Variants in LPCAT2 observed in about 807,000 individuals in gnomAD.
The protein encoded by LPCAT2 is 1-AGP acyltransferase 11.
A neutral mutation model predicts 64.7 loss-of-function variants in LPCAT2; 58 were observed. The observed-to-expected ratio is 0.90, with a 90% CI of 0.73 to 1.12. LPCAT2 has a LOEUF of 1.12. Among genes scored for constraint, LPCAT2 ranks in the 50% most tolerant of loss-of-function variants. LPCAT2 has a pLI of 0.00. For synonymous variants in LPCAT2, 252 were observed against 245.3 expected, an observed-to-expected ratio of 1.03 and a Z score of -0.26; for missense variants, 579 against 669.8, an observed-to-expected ratio of 0.86 and a Z score of 1.50.
intron 11 of LPCAT2, among the ~76,000 whole-genome samples, chr16:55,571,044 C>G: frequency 6.6e-6 from 1 of 152,100 alleles, no homozygotes; most frequent in Non-Finnish European, 1.5e-5. Flanking sequence ...TGATATATTT[C>G]AGTTATAACA....
At chr16:55,561,178 T>TA (rs1266077363) in intron 11 of LPCAT2, among the ~76,000 whole-genome samples, 1 of 152,040 alleles carries the variant, frequency 6.6e-6, no homozygotes, top group Non-Finnish European at 1.5e-5. Flanking sequence ...TTGTATTCTT[T>TA]TATGTGGATA....
intron 11 of LPCAT2, among the ~76,000 whole-genome samples, chr16:55,553,407 A>G (rs1963540437): frequency 6.6e-6 from 1 of 152,228 alleles, no homozygotes; most frequent in Non-Finnish European, 1.5e-5. Context: ...TGTTCACAGC[A>G]TCTTCATCAG....
chr16:55,509,092 C>T lies in LPCAT2; in HGVS notation c.-90C>T, dbSNP rs1406815058. On this transcript the variant is annotated 5_prime_UTR_variant, in exon 1 of 14. Coordinates refer to ENST00000262134, the MANE Select transcript of LPCAT2 (RefSeq NM_017839.5). ...TGCGCAGAGGCTCCCCAGCGTCGCC[C>T]TAGGCTGGGACTCTAGTAGGTCTTC... 26 of 1,149,108 alleles carry T rather than the reference C, an allele frequency of 2.3e-5. No individual in the cohort carries two copies. The highest frequency in any genetic ancestry group is 2.8e-5 in the Non-Finnish European group (25 of 898,038). 71.2% of individuals were successfully genotyped at this position (1,149,108 alleles called of 1,614,324 possible).
chr16:55,577,785 G>A (rs946640471), intron 12 of LPCAT2, among the ~76,000 whole-genome samples: 1 of 151,700 alleles, frequency 6.6e-6, no homozygotes, highest in African/African-American at 2.4e-5. Flanking sequence ...AACCTCTTTT[G>A]TGCTTGGATA....
intron 9 of LPCAT2, among the ~76,000 whole-genome samples, chr16:55,546,797 CTTATG>C (rs1963459071): frequency 6.8e-6 from 1 of 147,080 alleles, no homozygotes; most frequent in Non-Finnish European, 1.5e-5. Context: ...CTCTTCCTTT[CTTATG>C]TTTTCATGCC....
intron 1 of LPCAT2, among the ~76,000 whole-genome samples, chr16:55,514,553 AAAC>A (rs1596844188): frequency 6.6e-6 from 1 of 152,378 alleles, no homozygotes; most frequent in East Asian, 1.9e-4. Context: ...AAAAGACACT[AAAC>A]AAACAAATAA....
At position 55,576,387 on chromosome 16, in the gene LPCAT2, T is replaced by C. The variant is rs112306782; in HGVS notation, c.1314+1658T>C. On this transcript the variant is annotated intron_variant, in intron 12 of 13. Transcript: ENST00000262134. ...TTCCCATCTTTTATCTCATTTCACC[T>C]TCACAGTGACACTTAGAGTTAGAAT... Among the ~76,000 whole-genome samples the C allele has an allele frequency of 9.0e-4, 137 of 152,274 alleles. 1 individual carries two copies. Among genetic ancestry groups the C allele is most frequent in the African/African-American group, 3.2e-3 (132 of 41,554 alleles).
At chr16:55,579,943 C>G (rs1379352138) in intron 13 of LPCAT2, among the ~76,000 whole-genome samples, 7 of 149,430 alleles carry the variant, frequency 4.7e-5, no homozygotes, top group African/African-American at 1.8e-4. Context: ...ACAAGTTGCA[C>G]TGGACTGAAG....
intron 11 of LPCAT2, among the ~76,000 whole-genome samples, chr16:55,553,115 G>C (rs1303176080): frequency 6.6e-6 from 1 of 152,272 alleles, no homozygotes; most frequent in East Asian, 1.9e-4. Context: ...GTACATGCCT[G>C]TAATCCCAGC....
intron 4 of LPCAT2, among the ~76,000 whole-genome samples, chr16:55,531,232 CTTTA>C (rs1484600979): frequency 6.6e-6 from 1 of 151,984 alleles, no homozygotes; most frequent in Non-Finnish European, 1.5e-5. Flanking sequence ...CAGGATGTTA[CTTTA>C]TTTTATTTTA....
chr16:55,550,563 A>G (rs1216877575), intron 10 of LPCAT2, among the ~76,000 whole-genome samples: 1 of 152,162 alleles, frequency 6.6e-6, no homozygotes, highest in African/African-American at 2.4e-5. Flanking sequence ...TTCTTTTCAT[A>G]TACTTTTCTT....
intron 11 of LPCAT2, among the ~76,000 whole-genome samples, chr16:55,560,346 T>G (rs1484196692): frequency 6.6e-6 from 1 of 152,094 alleles, no homozygotes; most frequent in Non-Finnish European, 1.5e-5. Flanking sequence ...CAGAAAGGCT[T>G]CATCTAAAGT....
At chr16:55,567,164 T>C in intron 11 of LPCAT2, 2 of 1,613,932 alleles carry the variant, frequency 1.2e-6, no homozygotes, top group Non-Finnish European at 1.7e-6. Context: ...GTGACACGAC[T>C]GGTAAGCTGG....
chr16:55,531,525 T>C (rs1963252871), intron 4 of LPCAT2, among the ~76,000 whole-genome samples: 1 of 152,136 alleles, frequency 6.6e-6, no homozygotes, highest in Non-Finnish European at 1.5e-5. Context: ...TAAATATTAA[T>C]GGGAAAACTG....
intron 8 of LPCAT2, among the ~76,000 whole-genome samples, chr16:55,542,538 A>G (rs1415957256): frequency 3.3e-5 from 5 of 152,126 alleles, no homozygotes. Flanking sequence ...AGTGGTCCCT[A>G]ACAGGAATAT....
chr16:55,535,557 A>T (rs1363967421), intron 7 of LPCAT2, among the ~76,000 whole-genome samples: 1 of 152,224 alleles, frequency 6.6e-6, no homozygotes, highest in African/African-American at 2.4e-5. Flanking sequence ...TCTAAACAGC[A>T]TATTATCTTT....
intron 11 of LPCAT2, among the ~76,000 whole-genome samples, chr16:55,572,443 A>G (rs547635406): frequency 4.1e-4 from 63 of 152,330 alleles, no homozygotes; most frequent in Middle Eastern, 3.4e-3. Flanking sequence ...AGCTAATTGC[A>G]GAAGAAATGT....
intron 11 of LPCAT2, among the ~76,000 whole-genome samples, chr16:55,561,517 T>C (rs1028987363): frequency 3.3e-5 from 5 of 152,034 alleles, no homozygotes; most frequent in Admixed American, 2.6e-4. Context: ...TTTTATTCTA[T>C]GATGGCTTAT....
At chr16:55,540,260 T>C (rs1401509871) in intron 8 of LPCAT2, 1 of 152,230 alleles carries the variant, frequency 6.6e-6, no homozygotes, top group Non-Finnish European at 1.5e-5. Flanking sequence ...TCCTGTGTAA[T>C]TGTTCTTCTG....
Sources: gnomAD v4.1 joint callset for allele counts (sites outside exome capture counted in the v4.1 genomes callset) on GRCh38, gnomAD v4.1.1 for gene constraint, MANE v1.5 for transcripts, NCBI Gene and HGNC (gene_info 2026-07-23, HGNC 2026-07-21) for gene names.